DNAH11: variants seen among roughly 807,000 people sequenced by gnomAD.
The protein encoded by DNAH11 is axonemal beta dynein heavy chain 11.
DNAH11 carries 442 observed loss-of-function variants against 526.0 expected under a neutral mutation model. That is an observed-to-expected ratio of 0.84 (90% CI 0.78 to 0.91). DNAH11 has a LOEUF of 0.91. DNAH11 is among the 40% of genes least tolerant of loss of function. DNAH11 has a pLI of 0.00. For synonymous variants in DNAH11, 2,461 were observed against 1,935.9 expected (o/e 1.27, Z -7.12); for missense variants, 6,989 against 5,448.7 (o/e 1.28, Z -8.90).
intron 20 of DNAH11, among the ~76,000 whole-genome samples, chr7:21,609,861 A>G (rs1785445747): frequency 1.3e-5 from 2 of 152,210 alleles, no homozygotes; most frequent in Non-Finnish European, 2.9e-5. Context: ...GTTAAGGGTG[A>G]TACCCTCATT....
chr7:21,570,513 TC>T (rs1783844949), intron 7 of DNAH11: 3 of 438,750 alleles, frequency 6.8e-6, no homozygotes, highest in Non-Finnish European at 1.2e-5. Flanking sequence ...CATTTTTGAT[TC>T]CATTATTACA....
intron 55 of DNAH11, among the ~76,000 whole-genome samples, chr7:21,769,772 C>T (rs1027847474): frequency 2.0e-5 from 3 of 152,148 alleles, no homozygotes. Flanking sequence ...GCATGAGCCA[C>T]TGCATCCGGC....
rs574327476 is a variant in DNAH11, at chr7:21,850,595, G to A, written c.10897-1872G>A. ...ATCTGAGTCTTGTCCTGAGGTTTGCGTTCTGTCTTCTTCTTTTTTTTTTTT... is the reference window on the plus strand; with the variant it reads ...ATCTGAGTCTTGTCCTGAGGTTTGCATTCTGTCTTCTTCTTTTTTTTTTTT... On this transcript the variant is annotated intron_variant, in intron 66 of 81. Transcript: ENST00000409508. 5.5e-5 allele frequency among the ~76,000 whole-genome samples: 7 copies of A among 127,866 alleles called. No individual in the cohort carries two copies. In the South Asian group the frequency reaches 1.5e-3, roughly 28 times the overall value. The allele number at this position is 127,866 out of a possible 152,430, so 83.9% of individuals were successfully genotyped here.
chr7:21,869,127 G>A (rs1783402969), intron 73 of DNAH11, 136 bp downstream of exon 73: 4 of 1,269,428 alleles, frequency 3.2e-6, no homozygotes, highest in Non-Finnish European at 3.2e-6. Context: ...TACTGTCAGT[G>A]TTCATGATGC....
In DNAH11 at chr7:21,864,531, C is replaced by T. The variant is rs777354290; in HGVS notation, c.11374-4C>T. 1 of 1,610,492 alleles carries T rather than the reference C, an allele frequency of 6.2e-7. No individual in the cohort carries two copies. Among genetic ancestry groups the T allele is most frequent in the South Asian group, 1.1e-5 (1 of 90,474 alleles). ...AATCCTTTTCAATTTTGTCTACTCT[C>T]AAGATTTTGTTGAGAAAGAAAGAGA... is the stretch of plus-strand genomic sequence containing the variant. On this transcript the variant is annotated splice_polypyrimidine_tract_variant and splice_region_variant and intron_variant, in intron 69 of 81. Coordinates refer to ENST00000409508, the MANE Select transcript of DNAH11 (RefSeq NM_001277115.2).
intron 61 of DNAH11, among the ~76,000 whole-genome samples, chr7:21,799,594 C>G (rs1337577746): frequency 6.6e-6 from 1 of 152,172 alleles, no homozygotes; most frequent in African/African-American, 2.4e-5. Flanking sequence ...CCTCAGCCTC[C>G]CAAAGTGCTG....
intron 43 of DNAH11, among the ~76,000 whole-genome samples, chr7:21,720,523 GA>G (rs1166647358): frequency 5.3e-5 from 8 of 151,258 alleles, no homozygotes; most frequent in African/African-American, 1.9e-4. Context: ...TTATTACCTA[GA>G]TCATTTTGGT....
At chr7:21,585,799 T>C (rs145586319) in intron 9 of DNAH11, among the ~76,000 whole-genome samples, 27 of 152,302 alleles carry the variant, frequency 1.8e-4, no homozygotes, top group Middle Eastern at 3.4e-3. Flanking sequence ...AATGGTGTTA[T>C]GAAAAACTGT....
Position 21,784,536 on chromosome 7 carries a change from A to G in DNAH11, c.9593A>G (p.Asn3198Ser), listed in dbSNP as rs1428774081. The G allele has an allele frequency of 1.9e-6, 3 of 1,601,852 alleles. No homozygotes were observed. The highest frequency in any genetic ancestry group is 1.1e-5 in the South Asian group (1 of 88,422). Residue 3198 changes from asparagine to serine, a missense_variant, in exon 58 of 82, where the codon AAC becomes AGC. Coordinates refer to ENST00000409508, the MANE Select transcript of DNAH11 (RefSeq NM_001277115.2). ...VAATAALNTL[N>S]RVNLSELKAF... ...GCTACAGCTGCACTCAATACACTCA[A>G]CAGGGTAAAGATAATTTATTGGTCC...
At chr7:21,795,040 C>G (rs1312428736) in intron 61 of DNAH11, among the ~76,000 whole-genome samples, 1 of 152,110 alleles carries the variant, frequency 6.6e-6, no homozygotes, top group Admixed American at 6.5e-5. Flanking sequence ...TGGTGATAGT[C>G]TTAGCACTGG....
At chr7:21,812,289 G>A (rs1357841225) in intron 63 of DNAH11, among the ~76,000 whole-genome samples, 2 of 152,156 alleles carry the variant, frequency 1.3e-5, no homozygotes, top group Non-Finnish European at 2.9e-5. Context: ...TTGACTTAAG[G>A]ATGGAAGAAT....
intron 30 of DNAH11, among the ~76,000 whole-genome samples, chr7:21,678,963 G>T (rs887833788): frequency 3.9e-5 from 6 of 152,126 alleles, no homozygotes; most frequent in Non-Finnish European, 1.5e-5. Flanking sequence ...CAATAGCCAA[G>T]ATGTAGAAAA....
At chr7:21,851,751 G>T (rs1583772727) in intron 66 of DNAH11, 1 of 446,516 alleles carries the variant, frequency 2.2e-6, no homozygotes, top group African/African-American at 2.0e-5. Context: ...CTCTGTGTTT[G>T]CCTGTTTTTA....
At chr7:21,634,216 A>G (rs983122085) in intron 25 of DNAH11, among the ~76,000 whole-genome samples, 4 of 152,248 alleles carry the variant, frequency 2.6e-5, no homozygotes, top group African/African-American at 9.6e-5. Flanking sequence ...CCACAGCTCA[A>G]CACAGAGGTT....
intron 61 of DNAH11, among the ~76,000 whole-genome samples, chr7:21,793,044 G>T (rs1023564724): frequency 6.6e-6 from 1 of 152,014 alleles, no homozygotes; most frequent in Non-Finnish European, 1.5e-5. Context: ...TATTGCTTTT[G>T]CTGTATTCCA....
At chr7:21,566,760 T>A (rs1403272894) in intron 6 of DNAH11, among the ~76,000 whole-genome samples, 3 of 152,186 alleles carry the variant, frequency 2.0e-5, no homozygotes, top group East Asian at 3.8e-4. Flanking sequence ...TAACGATAAT[T>A]GTAAAATATT....
intron 65 of DNAH11, among the ~76,000 whole-genome samples, chr7:21,829,141 T>C (rs899017357): frequency 6.6e-6 from 1 of 152,178 alleles, no homozygotes; most frequent in African/African-American, 2.4e-5. Flanking sequence ...AAGTCTAATC[T>C]AGAAGCTTTT....
chr7:21,675,225 C>T (rs555651344), intron 30 of DNAH11, among the ~76,000 whole-genome samples: 1 of 152,358 alleles, frequency 6.6e-6, no homozygotes, highest in African/African-American at 2.4e-5. Context: ...TGCTTGGGCA[C>T]TTGCCTTCCT....
At chr7:21,742,540 A>G (rs1229488337) in intron 49 of DNAH11, among the ~76,000 whole-genome samples, 1 of 152,138 alleles carries the variant, frequency 6.6e-6, no homozygotes, top group East Asian at 1.9e-4. Flanking sequence ...CCATTGATGA[A>G]GGATCTGCCC....
Sources: allele counts gnomAD v4.1 joint callset (sites outside exome capture counted in the v4.1 genomes callset), GRCh38; gene constraint gnomAD v4.1.1; transcripts MANE v1.5; gene names NCBI Gene and HGNC (gene_info 2026-07-23, HGNC 2026-07-21).